Variants in E2F6 observed in about 807,000 individuals in gnomAD.
The protein encoded by E2F6 is E2F transcription factor 6.
E2F6 carries 19 observed loss-of-function variants against 31.5 expected under a neutral mutation model. That is an observed-to-expected ratio of 0.60 (90% CI 0.42 to 0.89). E2F6 has a LOEUF of 0.89. Ranked by LOEUF, E2F6 falls within the 40% of genes least tolerant of loss-of-function variation. The pLI, the probability that E2F6 is intolerant of heterozygous loss-of-function variation, is 0.00. For synonymous variants in E2F6, 121 were observed against 127.7 expected (o/e 0.95, Z 0.36); for missense variants, 269 against 341.6 (o/e 0.79, Z 1.67).
intron 1 of E2F6, 99 bp downstream of exon 1, chr2:11,465,673 A>G (rs1672143420): frequency 3.2e-6 from 4 of 1,269,402 alleles, no homozygotes; most frequent in Non-Finnish European, 4.5e-6. Flanking sequence ...GGGGGAGCAG[A>G]CGACCCAGAC....
chr2:11,454,047 A>C (rs184413480), intron 2 of E2F6, among the ~76,000 whole-genome samples: 38 of 152,334 alleles, frequency 2.5e-4, no homozygotes, highest in African/African-American at 8.9e-4. Flanking sequence ...ACCAGTGTCC[A>C]CCGAACATGT....
intron 1 of E2F6, chr2:11,458,227 T>C (rs1345349781): frequency 1.3e-6 from 2 of 1,542,612 alleles, no homozygotes; most frequent in South Asian, 2.4e-5. Context: ...TCATAGGTAC[T>C]CTAAGAAGAG....
At chr2:11,453,134 G>A (rs56109303) in intron 3 of E2F6, among the ~76,000 whole-genome samples, 20,280 of 150,802 alleles carry the variant, frequency 0.13, 1,805 homozygotes, top group Middle Eastern at 0.32. Flanking sequence ...TCCTCATCAT[G>A]TCAAGTCTTT....
chr2:11,459,332 C>T (rs897884338), intron 1 of E2F6, among the ~76,000 whole-genome samples: 23 of 152,176 alleles, frequency 1.5e-4, no homozygotes, highest in African/African-American at 5.1e-4. Context: ...CTCATCTAGA[C>T]AGTGGATCAC....
At chr2:11,447,297 A>T (rs960083798) in intron 6 of E2F6, among the ~76,000 whole-genome samples, 12 of 152,156 alleles carry the variant, frequency 7.9e-5, no homozygotes, top group Non-Finnish European at 1.5e-5. Flanking sequence ...CAAGATGTGC[A>T]GAAGGGGAAG....
chr2:11,446,737 C>T (rs571164123), intron 6 of E2F6, among the ~76,000 whole-genome samples: 10 of 152,302 alleles, frequency 6.6e-5, no homozygotes, highest in South Asian at 2.1e-4. Context: ...TGAAAGCACC[C>T]GTCCGAGAAT....
intron 1 of E2F6, among the ~76,000 whole-genome samples, chr2:11,459,721 A>G (rs1671647612): frequency 6.6e-6 from 1 of 152,054 alleles, no homozygotes; most frequent in Non-Finnish European, 1.5e-5. Flanking sequence ...CGTCTCTACT[A>G]AAAATACAAA....
chr2:11,447,735 T>C lies in E2F6; in HGVS notation c.691A>G (p.Ile231Val), dbSNP rs376579949. ...TVHIRSTNGP[I>V]DVYLCEVEQG... ...TCCACTTCACACAAATAGACATCGA[T>C]AGGTCCGTTGGTGCTCCTTATGTGC... The change falls in exon 6 of 7, where the codon ATC becomes GTC. Residue 231 changes from isoleucine (I) to valine (V), a missense_variant. Transcript: ENST00000381525. The C allele has an allele frequency of 1.9e-5, 30 of 1,612,136 alleles. No individual in the cohort carries two copies. The East Asian group carries it at 2.4e-4, about 13-fold the overall frequency.
In E2F6 at chr2:11,465,739, C is replaced by G. The variant is rs375374508; in HGVS notation, c.108+33G>C. On this transcript the variant is annotated intron_variant, in intron 1 of 6. Coordinates refer to ENST00000381525, the MANE Select transcript of E2F6 (RefSeq NM_198256.4). ...GAGGAGGGGGCCGGATTTGGGAGAC[C>G]ACCGCCCGTCCCCGTCCCGTCCCGG... The G allele has an allele frequency of 4.7e-4, 728 of 1,556,200 alleles. 1 individual carries two copies. Among genetic ancestry groups the G allele is most frequent in the Non-Finnish European group, 3.3e-4 (377 of 1,149,640 alleles).
At chr2:11,448,715 AGTG>A (rs1670875839) in intron 5 of E2F6, among the ~76,000 whole-genome samples, 2 of 152,250 alleles carry the variant, frequency 1.3e-5, no homozygotes, top group Non-Finnish European at 2.9e-5. Flanking sequence ...CACTAAATTA[AGTG>A]TTGTCAAACT....
intron 1 of E2F6, among the ~76,000 whole-genome samples, chr2:11,461,241 C>T (rs1433495674): frequency 6.6e-6 from 1 of 152,102 alleles, no homozygotes; most frequent in Non-Finnish European, 1.5e-5. Flanking sequence ...CCAGCCTCAT[C>T]TTCCCACATG....
intron 4 of E2F6, 151 bp downstream of exon 4, chr2:11,451,500 G>T: frequency 1.4e-6 from 1 of 709,188 alleles, no homozygotes; most frequent in Non-Finnish European, 2.1e-6. Context: ...ACAGCCATGT[G>T]TGCCACCACG....
rs1414251112 is a variant in E2F6 at position 11,445,737 on chromosome 2, C to T, written c.*740G>A. 3.9e-5 allele frequency: 6 copies of T among 152,196 alleles called. No individual in the cohort carries two copies. The highest frequency in any genetic ancestry group is 8.8e-5 in the Non-Finnish European group (6 of 68,052). The allele number at this position is 152,196 out of a possible 1,614,324, so 9.4% of individuals were successfully genotyped here. A position where few individuals can be genotyped will look rare whatever the true frequency, so the allele number is the denominator to read the frequency against. On this transcript the variant is annotated 3_prime_UTR_variant, in exon 7 of 7. Coordinates refer to ENST00000381525, the MANE Select transcript of E2F6 (RefSeq NM_198256.4). ...TGCTGGGAGACAGCAATTAGGTAGACAGCTTAAAACCAAGAAGTATCTGAC... is the reference window on the plus strand; with the variant it reads ...TGCTGGGAGACAGCAATTAGGTAGATAGCTTAAAACCAAGAAGTATCTGAC...
At chr2:11,460,280 A>G (rs1216157914) in intron 1 of E2F6, among the ~76,000 whole-genome samples, 1 of 150,622 alleles carries the variant, frequency 6.6e-6, no homozygotes, top group Non-Finnish European at 1.5e-5. Context: ...AGGTCTTTGG[A>G]AAGGTTATTG....
At chr2:11,463,070 T>A (rs1671884097) in intron 1 of E2F6, among the ~76,000 whole-genome samples, 1 of 152,236 alleles carries the variant, frequency 6.6e-6, no homozygotes, top group Non-Finnish European at 1.5e-5. Flanking sequence ...TGATACTACA[T>A]GCAAACTAAG....
At chr2:11,454,940 A>G (rs146095652) in intron 2 of E2F6, among the ~76,000 whole-genome samples, 3 of 152,366 alleles carry the variant, frequency 2.0e-5, no homozygotes, top group African/African-American at 7.2e-5. Flanking sequence ...GCTTAACTGT[A>G]TGCAGTATTT....
In E2F6 at chr2:11,445,310, T is replaced by A. The variant is rs1670650696; in HGVS notation, c.*1167A>T. 6.6e-6 allele frequency: 1 copy of A among 152,630 alleles called. No individual in the cohort carries two copies. The highest frequency in any genetic ancestry group is 2.4e-5 in the African/African-American group (1 of 41,462). 9.5% of individuals were successfully genotyped at this position (152,630 alleles called of 1,614,324 possible). ...TCCACTCACTTATTTGTTCAGACAT[T>A]TATTGAGCACTTCTTAAGGGCCAGG... On this transcript the variant is annotated 3_prime_UTR_variant, in exon 7 of 7. Coordinates refer to ENST00000381525, the MANE Select transcript of E2F6 (RefSeq NM_198256.4).
At chr2:11,456,377 C>T (rs1399932499) in intron 2 of E2F6, among the ~76,000 whole-genome samples, 1 of 152,172 alleles carries the variant, frequency 6.6e-6, no homozygotes, top group Non-Finnish European at 1.5e-5. Context: ...CCAGCAACTT[C>T]AGCTACAGAG....
intron 2 of E2F6, among the ~76,000 whole-genome samples, chr2:11,454,405 A>G (rs1190013171): frequency 2.0e-5 from 3 of 148,774 alleles, no homozygotes; most frequent in South Asian, 4.2e-4. Context: ...CTGGAGCTGG[A>G]GTGCAGTGGC....
Sources: allele counts gnomAD v4.1 joint callset (sites outside exome capture counted in the v4.1 genomes callset), GRCh38; gene constraint gnomAD v4.1.1; transcripts MANE v1.5; gene names NCBI Gene and HGNC (gene_info 2026-07-23, HGNC 2026-07-21).